Variants in CSMD1 observed in about 807,000 individuals in gnomAD.
The protein encoded by CSMD1 is CUB and sushi domain-containing protein 1.
Under a neutral mutation model 417.5 loss-of-function variants are expected in CSMD1, and 213 were observed. The ratio of observed to expected loss-of-function variants is 0.51; its 90% confidence interval spans 0.46 to 0.57. CSMD1 has a LOEUF of 0.57. Ranked by LOEUF, CSMD1 falls within the 20% of genes least tolerant of loss-of-function variation. The probability of loss-of-function intolerance (pLI) is 0.00; values close to 1 mark genes in which losing one functional copy is unlikely to be tolerated. For missense variants in CSMD1, 6,923 were observed against 4,529.7 expected (o/e 1.53, Z -15.17); for synonymous variants, 2,862 against 1,736.8 (o/e 1.65, Z -16.11).
intron 54 of CSMD1, among the ~76,000 whole-genome samples, chr8:2,984,810 A>T (rs1359924532): frequency 1.3e-5 from 2 of 152,216 alleles, no homozygotes; most frequent in Non-Finnish European, 2.9e-5. Context: ...AAACTTTTCA[A>T]TCGTCCATAC....
chr8:3,884,667 C>T (rs1363413649), intron 5 of CSMD1, among the ~76,000 whole-genome samples: 1 of 152,008 alleles, frequency 6.6e-6, no homozygotes, highest in Non-Finnish European at 1.5e-5. Context: ...TCTGGATATT[C>T]TTCTCTTTTA....
At chr8:4,117,750 T>G (rs979730918) in intron 3 of CSMD1, among the ~76,000 whole-genome samples, 1 of 152,104 alleles carries the variant, frequency 6.6e-6, no homozygotes. Context: ...AGATGTCAAA[T>G]AGATATTCAG....
chr8:4,513,923 A>G (rs1205750704), intron 2 of CSMD1, among the ~76,000 whole-genome samples: 2 of 152,132 alleles, frequency 1.3e-5, no homozygotes, highest in African/African-American at 4.8e-5. Flanking sequence ...TGTGATGTCA[A>G]ATTTCTCAAA....
At chr8:4,507,972 T>C (rs887625782) in intron 2 of CSMD1, among the ~76,000 whole-genome samples, 4 of 151,816 alleles carry the variant, frequency 2.6e-5, no homozygotes, top group African/African-American at 9.7e-5. Flanking sequence ...TAGAGACAAG[T>C]GTGAGAATCC....
intron 3 of CSMD1, among the ~76,000 whole-genome samples, chr8:4,256,572 C>T (rs1469240137): frequency 4.0e-5 from 6 of 150,446 alleles, no homozygotes; most frequent in Non-Finnish European, 9.0e-5. Flanking sequence ...TTTAAAACCC[C>T]ATGGGAAGGG....
At chr8:4,939,111 T>A (rs978137320) in intron 1 of CSMD1, among the ~76,000 whole-genome samples, 1 of 152,236 alleles carries the variant, frequency 6.6e-6, no homozygotes, top group African/African-American at 2.4e-5. Context: ...ATTTTATTAT[T>A]TCTTTTGTTG....
chr8:4,325,085 A>G (rs1197059029), intron 3 of CSMD1, among the ~76,000 whole-genome samples: 3 of 152,190 alleles, frequency 2.0e-5, no homozygotes, highest in Non-Finnish European at 4.4e-5. Context: ...GGAGGGAAAA[A>G]TCAGACATCA....
At chr8:4,723,367 A>G (rs1192928950) in intron 1 of CSMD1, among the ~76,000 whole-genome samples, 1 of 152,180 alleles carries the variant, frequency 6.6e-6, no homozygotes, top group East Asian at 1.9e-4. Flanking sequence ...AGGTTCGCTC[A>G]ACTCATGAAA....
chr8:4,039,649 T>C (rs1797786908), intron 3 of CSMD1, among the ~76,000 whole-genome samples: 2 of 152,190 alleles, frequency 1.3e-5, no homozygotes, highest in South Asian at 4.1e-4. Flanking sequence ...TCATGGGACG[T>C]AATCAGAACT....
intron 7 of CSMD1, among the ~76,000 whole-genome samples, chr8:3,664,266 G>A (rs1264949756): frequency 6.6e-6 from 1 of 150,888 alleles, no homozygotes; most frequent in African/African-American, 2.5e-5. Flanking sequence ...TCCCACCTAT[G>A]AGAGAGAACA....
chr8:4,345,550 A>T (rs1800731278), intron 3 of CSMD1, among the ~76,000 whole-genome samples: 1 of 152,134 alleles, frequency 6.6e-6, no homozygotes, highest in Admixed American at 6.6e-5. Context: ...AATATATGCA[A>T]ATCACTCATC....
intron 4 of CSMD1, among the ~76,000 whole-genome samples, chr8:4,018,641 G>A (rs1269103680): frequency 6.6e-6 from 1 of 152,192 alleles, no homozygotes; most frequent in Non-Finnish European, 1.5e-5. Flanking sequence ...TTCTCAAGGA[G>A]AAAACACTTG....
At chr8:3,929,744 C>G (rs1584983759) in intron 5 of CSMD1, among the ~76,000 whole-genome samples, 1 of 149,908 alleles carries the variant, frequency 6.7e-6, no homozygotes, top group South Asian at 2.2e-4. Context: ...TCACTGCAAC[C>G]TCAGCCTCCT....
rs572979149 is a variant in CSMD1, at chr8:4,414,986, A to G, written c.415+4967T>C. Among the ~76,000 whole-genome samples, 3 of 152,282 alleles carry G rather than the reference A, an allele frequency of 2.0e-5. No individual in the cohort carries two copies. The East Asian group carries it at 5.8e-4, about 29-fold the overall frequency. ...CAATATAACTATCACTTAAAAGCCA[A>G]AATGTGATAAATTGTCACATAGAAG... On this transcript the variant is annotated intron_variant, in intron 3 of 69. Coordinates refer to ENST00000635120, the MANE Select transcript of CSMD1 (RefSeq NM_033225.6).
At chr8:4,431,018 C>T (rs1797841640) in intron 2 of CSMD1, among the ~76,000 whole-genome samples, 1 of 152,120 alleles carries the variant, frequency 6.6e-6, no homozygotes, top group Admixed American at 6.6e-5. Context: ...AAAGACTTCG[C>T]ATAAGACCTG....
chr8:4,711,935 G>A (rs1808326414), intron 1 of CSMD1, among the ~76,000 whole-genome samples: 1 of 152,150 alleles, frequency 6.6e-6, no homozygotes, highest in Non-Finnish European at 1.5e-5. Context: ...TGAGCTGGCT[G>A]GCTACTGTGC....
chr8:4,516,691 C>T (rs1004987921), intron 2 of CSMD1, among the ~76,000 whole-genome samples: 2 of 152,266 alleles, frequency 1.3e-5, no homozygotes, highest in Admixed American at 1.3e-4. Flanking sequence ...CCCCAGATTC[C>T]TCCAACCCCT....
chr8:4,948,656 G>A (rs897128729), intron 1 of CSMD1, among the ~76,000 whole-genome samples: 2 of 151,938 alleles, frequency 1.3e-5, no homozygotes, highest in Admixed American at 1.3e-4. Flanking sequence ...TAAATATGTT[G>A]CTAGGTTGCT....
intron 25 of CSMD1, among the ~76,000 whole-genome samples, chr8:3,300,099 C>T (rs543554795): frequency 7.2e-5 from 11 of 152,202 alleles, no homozygotes; most frequent in East Asian, 1.9e-4. Context: ...TAAATTAAGG[C>T]ACATTCAGGC....
Sources: allele counts gnomAD v4.1 joint callset (sites outside exome capture counted in the v4.1 genomes callset), GRCh38; gene constraint gnomAD v4.1.1; transcripts MANE v1.5; gene names NCBI Gene and HGNC (gene_info 2026-07-23, HGNC 2026-07-21).